Variants in ATM observed in about 807,000 individuals in gnomAD.
ATM encodes the protein ATM serine/threonine kinase, also known as serine-protein kinase ATM.
In ATM, 308 loss-of-function variants were observed where a neutral mutation model predicts 387.0. The ratio of observed to expected loss-of-function variants is 0.80; its 90% confidence interval spans 0.73 to 0.87. The LOEUF (loss-of-function observed/expected upper bound fraction) is 0.87, where lower values mean the gene tolerates loss of function less well. ATM is among the 40% of genes least tolerant of loss of function. The pLI is 0.00. For synonymous variants in ATM, 1,156 were observed against 1,187.3 expected (o/e 0.97, Z 0.54); for missense variants, 3,312 against 3,560.9 (o/e 0.93, Z 1.78).
intron 1 of ATM, chr11:108,225,294 A>G (rs1262947007): frequency 1.3e-5 from 2 of 152,266 alleles, no homozygotes; most frequent in African/African-American, 4.8e-5. Flanking sequence ...ACTTGTCCAC[A>G]GGAAGTATAT....
At chr11:108,266,347 A>T in intron 16 of ATM, among the ~76,000 whole-genome samples, 1 of 152,052 alleles carries the variant, frequency 6.6e-6, no homozygotes, top group South Asian at 2.1e-4. Context: ...GACATGGATG[A>T]AATTGGAAAT....
At chr11:108,260,157 C>T (rs1235865785) in intron 16 of ATM, among the ~76,000 whole-genome samples, 9 of 151,734 alleles carry the variant, frequency 5.9e-5, no homozygotes, top group Non-Finnish European at 8.8e-5. Flanking sequence ...GCCTCAGCCT[C>T]CCAAGAAGCT....
intron 61 of ATM, among the ~76,000 whole-genome samples, chr11:108,357,725 G>T (rs1184563430): frequency 1.3e-5 from 2 of 152,168 alleles, no homozygotes; most frequent in East Asian, 3.9e-4. Context: ...CAGACCTGCA[G>T]CTGAGGGTCT....
intron 7 of ATM, among the ~76,000 whole-genome samples, chr11:108,245,877 T>C (rs2079825407): frequency 6.7e-6 from 1 of 149,088 alleles, no homozygotes; most frequent in African/African-American, 2.5e-5. Context: ...CAGGCTGAAG[T>C]GCAGTGACGC....
At chr11:108,330,877 A>C (rs537731152) in intron 50 of ATM, among the ~76,000 whole-genome samples, 1 of 152,350 alleles carries the variant, frequency 6.6e-6, no homozygotes, top group South Asian at 2.1e-4. Context: ...AAATGTCAAG[A>C]CAGCAGTATT....
chr11:108,227,618 G>A lies in ATM; in HGVS notation c.-7G>A, dbSNP rs1324718697. The A allele has an allele frequency of 6.2e-7, 1 of 1,612,998 alleles. No individual in the cohort carries two copies. Among genetic ancestry groups the A allele is most frequent in the Non-Finnish European group, 8.5e-7 (1 of 1,179,426 alleles). On this transcript the variant is annotated 5_prime_UTR_variant, in exon 2 of 63. It adds an upstream start codon to the 5' untranslated region. Coordinates refer to ENST00000675843, the MANE Select transcript of ATM (RefSeq NM_000051.4). ...AGACAGTGATGTGTGTTCTGAAATT[G>A]TGAACCATGAGTCTAGTACTTAATG...
intron 32 of ATM, 25 bp from the exon 33 acceptor site, chr11:108,297,262 C>G (rs2135860359): frequency 6.3e-7 from 1 of 1,590,560 alleles, no homozygotes; most frequent in Non-Finnish European, 8.6e-7. Context: ...CTAGTTTAAA[C>G]TAATTTTTAA....
At chr11:108,315,459 AATG>A (rs1291520926) in intron 40 of ATM, among the ~76,000 whole-genome samples, 1 of 152,226 alleles carries the variant, frequency 6.6e-6, no homozygotes, top group African/African-American at 2.4e-5. Flanking sequence ...AATGTATACA[AATG>A]ATGGAATGTG....
At chr11:108,256,618 T>C (rs1002906154) in intron 14 of ATM, among the ~76,000 whole-genome samples, 1 of 152,152 alleles carries the variant, frequency 6.6e-6, no homozygotes, top group South Asian at 2.1e-4. Context: ...GCTGCACCCA[T>C]CAACTCGTCA....
In ATM at chr11:108,315,072, C is replaced by G. The variant is rs530884081; in HGVS notation, c.6007-751C>G. 2.1e-3 allele frequency among the ~76,000 whole-genome samples: 314 copies of G among 152,244 alleles called. 1 individual carries two copies. The highest frequency in any genetic ancestry group is 7.0e-3 in the African/African-American group (292 of 41,556). ...GTGTTAATCAAGGCTTATAGTATTG[C>G]AGTAAACACAGTGAAAAAATACATG... On this transcript the variant is annotated intron_variant, in intron 40 of 62. Transcript: ENST00000675843.
chr11:108,319,320 C>T (rs1400441571), intron 43 of ATM, among the ~76,000 whole-genome samples: 7 of 152,090 alleles, frequency 4.6e-5, no homozygotes, highest in Admixed American at 3.9e-4. Context: ...ATATACTATT[C>T]TTCTCCTTCC....
At chr11:108,269,003 G>C (rs2081421182) in intron 18 of ATM, among the ~76,000 whole-genome samples, 1 of 152,092 alleles carries the variant, frequency 6.6e-6, no homozygotes, top group Non-Finnish European at 1.5e-5. Context: ...GAAGTTACAA[G>C]AATACTACAG....
chr11:108,317,491 A>T lies in ATM; in HGVS notation c.6317A>T (p.Asn2106Ile), dbSNP rs587780633. The change falls in exon 43 of 63, where the codon AAT becomes ATT. Residue 2106 changes from asparagine (N) to isoleucine (I), a missense_variant. Asn to Ile is a moderately radical substitution (Grantham distance 149). Coordinates refer to ENST00000675843, the MANE Select transcript of ATM (RefSeq NM_000051.4). ...EELHYQAAWR[N>I]MQWDHCTSVS... ...CTTCATTACCAAGCAGCATGGAGGA[A>T]TATGCAGTGGGACCATTGCACTTCC... 6.8e-6 allele frequency: 11 copies of T among 1,611,514 alleles called. No individual in the cohort carries two copies. Among genetic ancestry groups the T allele is most frequent in the Non-Finnish European group, 6.8e-6 (8 of 1,178,890 alleles).
rs1301658319 is a variant in ATM at position 108,354,797 on chromosome 11, G to GTGTT, written c.8787-11_8787-8dup. ...GTGTAACAAAATCCGTATTTATAAT[G>GTGTT]TGTTTGACTCTAGATGCTGTGAGAA... On this transcript the variant is annotated splice_polypyrimidine_tract_variant and intron_variant, in intron 60 of 62. Transcript: ENST00000675843. 1 of 1,609,968 alleles carries GTGTT rather than the reference G, an allele frequency of 6.2e-7. No homozygotes were observed.
At position 108,359,254 on chromosome 11, in the gene ATM, A is replaced by C. The variant is rs1244279; in HGVS notation, c.8850+4380A>C. Among the ~76,000 whole-genome samples, 78 of 151,724 alleles carry C rather than the reference A, an allele frequency of 5.1e-4. 1 individual carries two copies. Among genetic ancestry groups the C allele is most frequent in the African/African-American group, 1.6e-3 (66 of 41,380 alleles). On this transcript the variant is annotated intron_variant, in intron 61 of 62. Transcript: ENST00000675843. ...TCAACAAGAAGAGCTAACTATCCTA[A>C]ATATATATGCACCCAATACAGGAGC... is the stretch of plus-strand genomic sequence containing the variant.
chr11:108,345,608 G>C (rs955562455), intron 57 of ATM, 135 bp from the exon 58 acceptor site: 2 of 714,094 alleles, frequency 2.8e-6, no homozygotes, highest in African/African-American at 3.6e-5. Flanking sequence ...TGTCCAGACT[G>C]TTAGCTTCTT....
chr11:108,244,465 C>T (rs947687993), intron 6 of ATM, among the ~76,000 whole-genome samples: 9 of 151,896 alleles, frequency 5.9e-5, no homozygotes, highest in African/African-American at 1.9e-4. Flanking sequence ...TACTGTTGTA[C>T]ATTAGTATGG....
chr11:108,309,025 T>A (rs1259248336), intron 38 of ATM: 1 of 1,526,660 alleles, frequency 6.6e-7, no homozygotes, highest in African/African-American at 1.4e-5. Flanking sequence ...AAGATAAAAA[T>A]TCTTCATATT....
chr11:108,339,398 T>G (rs1591221403), intron 56 of ATM, among the ~76,000 whole-genome samples: 2 of 152,288 alleles, frequency 1.3e-5, no homozygotes, highest in African/African-American at 4.8e-5. Flanking sequence ...GTCATGGTTC[T>G]GGGGAGAGAA....
Sources: allele counts gnomAD v4.1 joint callset (sites outside exome capture counted in the v4.1 genomes callset), GRCh38; gene constraint gnomAD v4.1.1; transcripts MANE v1.5; gene names NCBI Gene and HGNC (gene_info 2026-07-23, HGNC 2026-07-21).